The following CEP55 variants were observed in gnomAD, a reference collection of about 807,000 sequenced individuals.
CEP55 encodes the protein centrosomal protein of 55 kDa.
Under a neutral mutation model 63.2 loss-of-function variants are expected in CEP55, and 57 were observed. The observed-to-expected ratio is 0.90, with a 90% CI of 0.73 to 1.13. CEP55 has a LOEUF of 1.13. CEP55 is among the 50% of genes most tolerant of loss of function. The pLI is 0.00. For missense variants in CEP55, 456 were observed against 518.9 expected, an observed-to-expected ratio of 0.88 and a Z score of 1.18; for synonymous variants, 178 against 191.6, an observed-to-expected ratio of 0.93 and a Z score of 0.59.
At chr10:93,516,081 G>A (rs1271911367) in intron 5 of CEP55, among the ~76,000 whole-genome samples, 2 of 152,112 alleles carry the variant, frequency 1.3e-5, no homozygotes, top group South Asian at 2.1e-4. Context: ...CCTAAGAGGC[G>A]GGGCAGGAAA....
chr10:93,523,879 C>G (rs1428072330), intron 8 of CEP55, among the ~76,000 whole-genome samples: 1 of 152,222 alleles, frequency 6.6e-6, no homozygotes, highest in Non-Finnish European at 1.5e-5. Flanking sequence ...TAAAGATGTT[C>G]TTTGAAACCA....
At chr10:93,500,549 C>T (rs918806898) in intron 2 of CEP55, among the ~76,000 whole-genome samples, 3 of 152,184 alleles carry the variant, frequency 2.0e-5, no homozygotes, top group Non-Finnish European at 4.4e-5. Flanking sequence ...TGGTCTGTTT[C>T]ACCTTTAGTA....
intron 5 of CEP55, among the ~76,000 whole-genome samples, chr10:93,516,253 G>A (rs2057802271): frequency 6.6e-6 from 1 of 152,112 alleles, no homozygotes; most frequent in Non-Finnish European, 1.5e-5. Context: ...TAAAGAAAGG[G>A]GAACAAGACT....
At chr10:93,519,644 G>T (rs1049194644) in intron 7 of CEP55, 38 bp from the exon 8 acceptor site, 3 of 1,608,224 alleles carry the variant, frequency 1.9e-6, no homozygotes. Context: ...TAGACAGTCT[G>T]TATCAGCTGT....
At chr10:93,507,981 G>C (rs1049162931) in intron 4 of CEP55, among the ~76,000 whole-genome samples, 19 of 152,284 alleles carry the variant, frequency 1.2e-4, no homozygotes, top group African/African-American at 3.8e-4. Context: ...TTAATTTGTA[G>C]TATCTTCTCT....
chr10:93,514,843 G>A (rs2057787028), intron 4 of CEP55, among the ~76,000 whole-genome samples: 1 of 152,190 alleles, frequency 6.6e-6, no homozygotes, highest in Non-Finnish European at 1.5e-5. Flanking sequence ...CATGATCTCA[G>A]CTCACTGCCA....
intron 1 of CEP55, among the ~76,000 whole-genome samples, chr10:93,498,692 C>A (rs190527567): frequency 7.8e-4 from 118 of 152,178 alleles, no homozygotes; most frequent in African/African-American, 2.6e-3. Flanking sequence ...ATCATTTATC[C>A]CTGTACTTCT....
chr10:93,507,208 TC>T, intron 4 of CEP55, 152 bp downstream of exon 4: 1 of 544,308 alleles, frequency 1.8e-6, no homozygotes, highest in East Asian at 3.3e-5. Flanking sequence ...GAGAATCATT[TC>T]TTCTAAGCAT....
chr10:93,523,600 C>G (rs1233189256), intron 8 of CEP55, among the ~76,000 whole-genome samples: 1 of 152,196 alleles, frequency 6.6e-6, no homozygotes, highest in Non-Finnish European at 1.5e-5. Context: ...TAATAGACAT[C>G]TACAGAACTC....
Position 93,516,063 on chromosome 10 carries a change from A to T in CEP55, c.679+508A>T, listed in dbSNP as rs552605696. On this transcript the variant is annotated intron_variant, in intron 5 of 8. Transcript: ENST00000371485. ...CTTACATAGATCTTAGTGGAGTTTT[A>T]GAGCAACCCTAAGAGGCGGGGCAGG... 3.3e-5 allele frequency among the ~76,000 whole-genome samples: 5 copies of T among 152,348 alleles called. No homozygotes were observed. The East Asian group carries it at 9.6e-4, about 29-fold the overall frequency.
intron 3 of CEP55, among the ~76,000 whole-genome samples, chr10:93,505,166 A>G (rs937759919): frequency 6.6e-6 from 1 of 152,204 alleles, no homozygotes; most frequent in Non-Finnish European, 1.5e-5. Flanking sequence ...GGCTACTCGT[A>G]TTGATTTCTT....
chr10:93,523,242 A>C (rs1291037742), intron 8 of CEP55, among the ~76,000 whole-genome samples: 1 of 152,214 alleles, frequency 6.6e-6, no homozygotes, highest in Non-Finnish European at 1.5e-5. Flanking sequence ...GGATTGAGGA[A>C]GATCTACCAA....
intron 4 of CEP55, among the ~76,000 whole-genome samples, chr10:93,509,126 T>A (rs911013333): frequency 2.6e-5 from 4 of 152,176 alleles, no homozygotes; most frequent in Non-Finnish European, 5.9e-5. Context: ...GGCATCTCAG[T>A]GCTAACTGCT....
chr10:93,502,762 C>T (rs1424990083), intron 2 of CEP55, among the ~76,000 whole-genome samples: 1 of 152,184 alleles, frequency 6.6e-6, no homozygotes, highest in Non-Finnish European at 1.5e-5. Context: ...TTAGTTTTTA[C>T]AAGATCCAGT....
intron 8 of CEP55, among the ~76,000 whole-genome samples, chr10:93,524,290 A>G (rs2057896486): frequency 6.6e-6 from 1 of 152,204 alleles, no homozygotes; most frequent in Non-Finnish European, 1.5e-5. Flanking sequence ...ACAAACTACC[A>G]TCAGAGAATA....
chr10:93,523,245 T>A (rs1290788400), intron 8 of CEP55, among the ~76,000 whole-genome samples: 2 of 152,030 alleles, frequency 1.3e-5, no homozygotes, highest in Non-Finnish European at 2.9e-5. Flanking sequence ...TTGAGGAAGA[T>A]CTACCAAGCA....
intron 4 of CEP55, among the ~76,000 whole-genome samples, chr10:93,512,796 A>T (rs1019538192): frequency 1.3e-5 from 2 of 152,088 alleles, no homozygotes; most frequent in African/African-American, 4.8e-5. Context: ...CTCACTGGGG[A>T]TGGCAGTGGA....
In CEP55 at chr10:93,525,872, C is replaced by G. The variant is rs578024511; in HGVS notation, c.1192-2078C>G. On this transcript the variant is annotated intron_variant, in intron 8 of 8. Transcript: ENST00000371485. ...TATTTAATAAATGGTGCTGGGAAAA[C>G]TGGCTAGCCATATGTAGAAAGCTGA... is the stretch of plus-strand genomic sequence containing the variant. Among the ~76,000 whole-genome samples the G allele has an allele frequency of 1.2e-4, 18 of 152,014 alleles. No individual in the cohort carries two copies. The South Asian group carries it at 3.7e-3, about 32-fold the overall frequency.
At chr10:93,512,637 T>A (rs979746169) in intron 4 of CEP55, among the ~76,000 whole-genome samples, 1 of 152,300 alleles carries the variant, frequency 6.6e-6, no homozygotes, top group Admixed American at 6.5e-5. Context: ...ATCTTTAGTA[T>A]CTAACACACT....
Sources: gnomAD v4.1 joint callset for allele counts (sites outside exome capture counted in the v4.1 genomes callset) on GRCh38, gnomAD v4.1.1 for gene constraint, MANE v1.5 for transcripts, NCBI Gene and HGNC (gene_info 2026-07-23, HGNC 2026-07-21) for gene names.